PCP4: variants seen among roughly 807,000 people sequenced by gnomAD.
The protein encoded by PCP4 is calmodulin regulator protein PCP4.
In PCP4, 8 loss-of-function variants were observed where a neutral mutation model predicts 10.0. That is an observed-to-expected ratio of 0.80 (90% CI 0.47 to 1.45). PCP4 has a LOEUF of 1.45. Ranked by LOEUF, PCP4 falls within the 40% of genes most tolerant of loss-of-function variation. The pLI is 0.00. For synonymous variants in PCP4, 21 were observed against 23.0 expected (o/e 0.91, Z 0.24); for missense variants, 54 against 74.4 (o/e 0.73, Z 1.01).
intron 1 of PCP4, among the ~76,000 whole-genome samples, chr21:39,881,987 A>G (rs1452933191): frequency 6.6e-6 from 1 of 152,224 alleles, no homozygotes; most frequent in African/African-American, 2.4e-5. Flanking sequence ...CTCTCCATCC[A>G]GTCGGGATAA....
At chr21:39,879,424 C>T (rs956065315) in intron 1 of PCP4, among the ~76,000 whole-genome samples, 5 of 152,202 alleles carry the variant, frequency 3.3e-5, no homozygotes, top group Non-Finnish European at 7.3e-5. Flanking sequence ...TTCTCAGGCA[C>T]TATTCTATGA....
intron 1 of PCP4, among the ~76,000 whole-genome samples, chr21:39,870,104 G>C (rs1284266656): frequency 6.6e-6 from 1 of 152,196 alleles, no homozygotes; most frequent in Non-Finnish European, 1.5e-5. Flanking sequence ...GCACTTCCAG[G>C]CCTCCCCGCC....
At chr21:39,879,986 A>C (rs1203562106) in intron 1 of PCP4, among the ~76,000 whole-genome samples, 1 of 152,242 alleles carries the variant, frequency 6.6e-6, no homozygotes, top group Non-Finnish European at 1.5e-5. Context: ...TCATGAGGCC[A>C]GTCCTGGGTC....
At chr21:39,923,228 T>A (rs990560760) in intron 2 of PCP4, among the ~76,000 whole-genome samples, 1 of 152,186 alleles carries the variant, frequency 6.6e-6, no homozygotes, top group African/African-American at 2.4e-5. Flanking sequence ...CAAAGAATGA[T>A]TCCAGAATTA....
At chr21:39,889,925 A>G (rs1310603048) in intron 1 of PCP4, among the ~76,000 whole-genome samples, 1 of 152,232 alleles carries the variant, frequency 6.6e-6, no homozygotes, top group Non-Finnish European at 1.5e-5. Flanking sequence ...AACAAAGTGT[A>G]CTGGGCTGAA....
At chr21:39,890,853 T>C (rs1301527774) in intron 1 of PCP4, among the ~76,000 whole-genome samples, 1 of 152,180 alleles carries the variant, frequency 6.6e-6, no homozygotes, top group African/African-American at 2.4e-5. Context: ...GATTTTGTAA[T>C]GGATTTCACA....
chr21:39,921,340 CAA>C (rs1319918749), intron 2 of PCP4, among the ~76,000 whole-genome samples: 1 of 152,184 alleles, frequency 6.6e-6, no homozygotes, highest in Non-Finnish European at 1.5e-5. Context: ...ACCCAGATCC[CAA>C]GTCAGGCTTG....
intron 2 of PCP4, among the ~76,000 whole-genome samples, chr21:39,913,090 C>T (rs1413981897): frequency 6.6e-6 from 1 of 152,108 alleles, no homozygotes; most frequent in Non-Finnish European, 1.5e-5. Flanking sequence ...CATAACTTTA[C>T]TTCTGGGGTA....
At chr21:39,897,996 A>G (rs553311474) in intron 1 of PCP4, among the ~76,000 whole-genome samples, 12 of 146,228 alleles carry the variant, frequency 8.2e-5, no homozygotes, top group South Asian at 4.4e-4. Context: ...CAGCGAGCCA[A>G]GATTGCGCCG....
intron 1 of PCP4, among the ~76,000 whole-genome samples, chr21:39,875,244 T>G (rs1445465993): frequency 7.2e-6 from 1 of 138,762 alleles, no homozygotes; most frequent in Non-Finnish European, 1.5e-5. Flanking sequence ...CTTTTTCAAA[T>G]TGTAAATTTT....
chr21:39,888,757 C>A (rs2087414246), intron 1 of PCP4, among the ~76,000 whole-genome samples: 1 of 152,192 alleles, frequency 6.6e-6, no homozygotes, highest in Non-Finnish European at 1.5e-5. Context: ...TGCTTGGGAC[C>A]CTCGGGCCCA....
intron 2 of PCP4, among the ~76,000 whole-genome samples, chr21:39,901,512 G>A (rs1399955346): frequency 6.6e-6 from 1 of 152,138 alleles, no homozygotes; most frequent in Non-Finnish European, 1.5e-5. Flanking sequence ...GGGAATTACC[G>A]GCTACTATAA....
chr21:39,914,582 A>AAAAAG (rs1568860496), intron 2 of PCP4, among the ~76,000 whole-genome samples: 9 of 151,422 alleles, frequency 5.9e-5, no homozygotes, highest in Admixed American at 4.6e-4. Flanking sequence ...TCAAAAAAAA[A>AAAAAG]AAAAAGAAAA....
intron 2 of PCP4, among the ~76,000 whole-genome samples, chr21:39,927,339 GTCTATCTA>G (rs1240545991): frequency 1.0e-4 from 10 of 98,870 alleles, no homozygotes; most frequent in East Asian, 3.1e-4. Context: ...CTATCTATCT[GTCTATCTA>G]TCTATCTATC....
intron 1 of PCP4, among the ~76,000 whole-genome samples, chr21:39,874,811 G>A (rs752202964): frequency 2.6e-5 from 4 of 152,028 alleles, no homozygotes; most frequent in Admixed American, 6.6e-5. Context: ...TCAGATGCCC[G>A]GTGAATGGCT....
chr21:39,899,296 G>C, intron 2 of PCP4, among the ~76,000 whole-genome samples: 1 of 152,302 alleles, frequency 6.6e-6, no homozygotes, highest in Non-Finnish European at 1.5e-5. Flanking sequence ...GTTCCGGTGA[G>C]GTGAGACTCT....
chr21:39,891,734 G>A (rs997090509), intron 1 of PCP4, among the ~76,000 whole-genome samples: 2 of 152,232 alleles, frequency 1.3e-5, no homozygotes, highest in African/African-American at 2.4e-5. Context: ...AGCAAGTCAC[G>A]TGATTACAGG....
At chr21:39,897,287 C>A (rs2087461462) in intron 1 of PCP4, among the ~76,000 whole-genome samples, 1 of 150,690 alleles carries the variant, frequency 6.6e-6, no homozygotes, top group South Asian at 2.1e-4. Flanking sequence ...ACTCTGTAGG[C>A]TGAGGTAGGA....
chr21:39,921,183 A>G (rs1277998787), intron 2 of PCP4, among the ~76,000 whole-genome samples: 2 of 152,180 alleles, frequency 1.3e-5, no homozygotes, highest in Non-Finnish European at 2.9e-5. Flanking sequence ...GGTTGACTGT[A>G]TTATGTGTTT....
Sources: gnomAD v4.1 joint callset for allele counts (sites outside exome capture counted in the v4.1 genomes callset) on GRCh38, gnomAD v4.1.1 for gene constraint, MANE v1.5 for transcripts, NCBI Gene and HGNC (gene_info 2026-07-23, HGNC 2026-07-21) for gene names.